HTR1F: variants seen among roughly 807,000 people sequenced by gnomAD.
The protein encoded by HTR1F is 5-hydroxytryptamine receptor 1F, also known as 5-hydroxytryptamine (serotonin) receptor 1F, G protein-coupled.
A neutral mutation model predicts 24.0 loss-of-function variants in HTR1F; 17 were observed. That is an observed-to-expected ratio of 0.71 (90% CI 0.48 to 1.06). HTR1F has a LOEUF of 1.06. Among genes scored for constraint, HTR1F ranks in the 50% least tolerant of loss-of-function variants. HTR1F has a pLI of 0.00. For missense variants in HTR1F, 391 were observed against 427.8 expected (o/e 0.91, Z 0.76); for synonymous variants, 186 against 156.8 (o/e 1.19, Z -1.39).
intron 2 of HTR1F, among the ~76,000 whole-genome samples, chr3:87,848,348 T>C (rs377734719): frequency 1.3e-4 from 19 of 151,992 alleles, no homozygotes; most frequent in African/African-American, 4.6e-4. Context: ...TTTTGCCCTT[T>C]TGCCCATTTT....
At chr3:87,863,152 TGA>T (rs1345464693) in intron 2 of HTR1F, among the ~76,000 whole-genome samples, 1 of 152,158 alleles carries the variant, frequency 6.6e-6, no homozygotes, top group East Asian at 1.9e-4. Context: ...TTTATATGAA[TGA>T]ATTTTATGAC....
intron 2 of HTR1F, among the ~76,000 whole-genome samples, chr3:87,947,979 A>G (rs1704748528): frequency 6.6e-6 from 1 of 152,192 alleles, no homozygotes; most frequent in Admixed American, 6.5e-5. Flanking sequence ...AAAATGTATT[A>G]AACCACTCAT....
In HTR1F at chr3:87,948,319, G is replaced by A. The variant is rs373615389; in HGVS notation, c.-42-42389G>A. ...TATATAGTTAATTAGAAAGGCAGAG[G>A]TCACTAGAATAAAGAGGCTCCAAGA... On this transcript the variant is annotated intron_variant, in intron 2 of 2. Coordinates refer to ENST00000319595, the MANE Select transcript of HTR1F (RefSeq NM_001322209.2). Among the ~76,000 whole-genome samples, 4 of 152,186 alleles carry A rather than the reference G, an allele frequency of 2.6e-5. No individual in the cohort carries two copies. In the East Asian group the frequency reaches 7.7e-4, roughly 29 times the overall value.
chr3:87,978,555 C>A (rs1705450496), intron 2 of HTR1F, among the ~76,000 whole-genome samples: 1 of 152,026 alleles, frequency 6.6e-6, no homozygotes, highest in South Asian at 2.1e-4. Context: ...TTGTCTGTGG[C>A]CCTCAGGGGA....
rs199873822 is a variant in HTR1F, at chr3:87,951,834, C to G, written c.-42-38874C>G. Among the ~76,000 whole-genome samples the G allele has an allele frequency of 1.6e-4, 25 of 152,166 alleles. No homozygotes were observed. The East Asian group carries it at 4.8e-3, about 29-fold the overall frequency. ...AATCCTCTATACTCTGCCTGTTCAT[C>G]TCCTCCTGTTTCCTGGCAATCAGTG... On this transcript the variant is annotated intron_variant, in intron 2 of 2. Transcript: ENST00000319595.
rs569699308 is a variant in HTR1F, at chr3:87,797,368, T to A, written c.-160+4526T>A. Among the ~76,000 whole-genome samples, 7 of 152,324 alleles carry A rather than the reference T, an allele frequency of 4.6e-5. 1 individual carries two copies. The highest frequency in any genetic ancestry group is 1.7e-4 in the African/African-American group (7 of 41,572). On this transcript the variant is annotated intron_variant, in intron 1 of 2. Coordinates refer to ENST00000319595, the MANE Select transcript of HTR1F (RefSeq NM_001322209.2). ...GTTAAAATTATTAGGCAGCTTTCCATATGTTAAAATTAAAAGATCTGCAAA... is the reference window on the plus strand; with the variant it reads ...GTTAAAATTATTAGGCAGCTTTCCAAATGTTAAAATTAAAAGATCTGCAAA...
chr3:87,905,735 CA>C (rs36028043), intron 2 of HTR1F, among the ~76,000 whole-genome samples: 43,710 of 141,520 alleles, frequency 0.31, 9,883 homozygotes, highest in African/African-American at 0.66. Context: ...CTTTATTTAG[CA>C]AAAAAAAAAA....
At chr3:87,854,403 T>C (rs565718105) in intron 2 of HTR1F, among the ~76,000 whole-genome samples, 1 of 152,176 alleles carries the variant, frequency 6.6e-6, no homozygotes, top group Non-Finnish European at 1.5e-5. Context: ...TTTTATTTTT[T>C]ATCTTCATTG....
intron 2 of HTR1F, among the ~76,000 whole-genome samples, chr3:87,892,180 T>A (rs1336325560): frequency 1.3e-5 from 2 of 152,198 alleles, no homozygotes; most frequent in African/African-American, 4.8e-5. Flanking sequence ...TTTTATTTAA[T>A]TTAGATAATA....
chr3:87,907,077 G>T (rs1332805613), intron 2 of HTR1F, among the ~76,000 whole-genome samples: 1 of 151,958 alleles, frequency 6.6e-6, no homozygotes, highest in African/African-American at 2.4e-5. Context: ...GGGTCAAATG[G>T]CAGTTCTACT....
chr3:87,829,038 G>T (rs970133044), intron 2 of HTR1F, among the ~76,000 whole-genome samples: 1 of 142,614 alleles, frequency 7.0e-6, no homozygotes, highest in Admixed American at 6.8e-5. Flanking sequence ...GGCAAAGTCA[G>T]CATACCAAAA....
At position 87,924,376 on chromosome 3, in the gene HTR1F, T is replaced by C. The variant is rs537117859; in HGVS notation, c.-42-66332T>C. Among the ~76,000 whole-genome samples, 560 of 152,268 alleles carry C rather than the reference T, an allele frequency of 3.7e-3. 5 individuals carry two copies. The highest frequency in any genetic ancestry group is 6.9e-3 in the Non-Finnish European group (466 of 68,002). Reference sequence around the variant, plus strand: ...TTTTAGTTTGTTTTGCATAGCTTTTTTTCTTATTGCTTATCTTTGCAGTTT... The same window carrying C: ...TTTTAGTTTGTTTTGCATAGCTTTTCTTCTTATTGCTTATCTTTGCAGTTT... On this transcript the variant is annotated intron_variant, in intron 2 of 2. Transcript: ENST00000319595.
At chr3:87,945,900 G>A (rs1374538716) in intron 2 of HTR1F, among the ~76,000 whole-genome samples, 2 of 152,150 alleles carry the variant, frequency 1.3e-5, no homozygotes, top group Non-Finnish European at 1.5e-5. Flanking sequence ...ATGGTGGCGG[G>A]CTGCTTCCAA....
chr3:87,807,835 G>A (rs1704098134), intron 1 of HTR1F, among the ~76,000 whole-genome samples: 2 of 151,892 alleles, frequency 1.3e-5, no homozygotes, highest in East Asian at 1.9e-4. Context: ...ATGAAAGGAT[G>A]ATGAATTTTA....
chr3:87,798,220 G>A (rs1422379421), intron 1 of HTR1F, among the ~76,000 whole-genome samples: 1 of 151,884 alleles, frequency 6.6e-6, no homozygotes, highest in African/African-American at 2.4e-5. Flanking sequence ...TCAGTCTCAG[G>A]ACAGTTCTTC....
chr3:87,953,206 G>A (rs773855768), intron 2 of HTR1F, among the ~76,000 whole-genome samples: 56 of 150,664 alleles, frequency 3.7e-4, no homozygotes, highest in Non-Finnish European at 6.4e-4. Flanking sequence ...GAAAAATGAG[G>A]GTATATTAAA....
rs145185464 is a variant in HTR1F, at chr3:87,845,782, C to T, written c.-43+23658C>T. ...AGTAAACAAACTGACAAAACAACAA[C>T]AAAAACTCGCTATTACCATGCATTG... On this transcript the variant is annotated intron_variant, in intron 2 of 2. Coordinates refer to ENST00000319595, the MANE Select transcript of HTR1F (RefSeq NM_001322209.2). Among the ~76,000 whole-genome samples, 618 of 152,050 alleles carry T rather than the reference C, an allele frequency of 4.1e-3. 12 individuals are homozygous for T. The highest frequency in any genetic ancestry group is 0.013 in the African/African-American group (556 of 41,342).
intron 2 of HTR1F, among the ~76,000 whole-genome samples, chr3:87,963,533 C>G (rs1479286084): frequency 6.6e-6 from 1 of 152,080 alleles, no homozygotes; most frequent in Non-Finnish European, 1.5e-5. Flanking sequence ...TGTGTATTGT[C>G]CTCCAAGATG....
chr3:87,855,516 G>T (rs1442613289), intron 2 of HTR1F, among the ~76,000 whole-genome samples: 3 of 151,890 alleles, frequency 2.0e-5, no homozygotes, highest in African/African-American at 7.2e-5. Flanking sequence ...ACTCAGCAAA[G>T]AGAATGAATT....
Sources: allele counts gnomAD v4.1 joint callset (sites outside exome capture counted in the v4.1 genomes callset), GRCh38; gene constraint gnomAD v4.1.1; transcripts MANE v1.5; gene names NCBI Gene and HGNC (gene_info 2026-07-23, HGNC 2026-07-21).